Variants in DENND1B observed in about 807,000 individuals in gnomAD.
The protein encoded by DENND1B is DENN domain containing 1B, also known as DENN domain-containing protein 1B.
Under a neutral mutation model 90.1 loss-of-function variants are expected in DENND1B, and 59 were observed. That is an observed-to-expected ratio of 0.65 (90% CI 0.53 to 0.81). The LOEUF is 0.81. Ranked by LOEUF, DENND1B falls within the 40% of genes least tolerant of loss-of-function variation. The pLI, the probability that DENND1B is intolerant of heterozygous loss-of-function variation, is 0.00. For synonymous variants in DENND1B, 337 were observed against 324.6 expected (o/e 1.04, Z -0.41); for missense variants, 862 against 912.6 (o/e 0.94, Z 0.71).
At chr1:197,774,008 G>A (rs1656946565) in intron 1 of DENND1B, among the ~76,000 whole-genome samples, 1 of 152,130 alleles carries the variant, frequency 6.6e-6, no homozygotes, top group African/African-American at 2.4e-5. Flanking sequence ...TGGAAACATA[G>A]GAAGTGACAA....
Position 197,629,960 on chromosome 1 carries a change from C to A in DENND1B, c.673-12201G>T, listed in dbSNP as rs143839475. Among the ~76,000 whole-genome samples the A allele has an allele frequency of 6.7e-3, 1,014 of 152,132 alleles. 4 individuals are homozygous for A. Among genetic ancestry groups the A allele is most frequent in the African/African-American group, 0.022 (933 of 41,526 alleles). On this transcript the variant is annotated intron_variant, in intron 10 of 22. Transcript: ENST00000620048. ...AAATAAGCATATGAAAAGATGTTCC[C>A]CATCACATGTCATCAGGGAAAGGCA... is the stretch of plus-strand genomic sequence containing the variant.
intron 3 of DENND1B, among the ~76,000 whole-genome samples, chr1:197,714,457 C>G (rs1167268878): frequency 1.3e-5 from 2 of 152,048 alleles, no homozygotes; most frequent in African/African-American, 2.4e-5. Context: ...ATTTGAGGAA[C>G]TACAGAAGAC....
intron 3 of DENND1B, among the ~76,000 whole-genome samples, chr1:197,698,252 T>C (rs1214954199): frequency 6.6e-6 from 1 of 152,086 alleles, no homozygotes; most frequent in Non-Finnish European, 1.5e-5. Context: ...GAACTCAAGA[T>C]TAAGACATTC....
intron 2 of DENND1B, among the ~76,000 whole-genome samples, chr1:197,758,223 C>G (rs572092229): frequency 6.6e-6 from 1 of 152,174 alleles, no homozygotes; most frequent in Admixed American, 6.5e-5. Flanking sequence ...TCACTAATCA[C>G]AGCGCAAAAT....
At chr1:197,535,888 G>A (rs1167357356) in intron 20 of DENND1B, among the ~76,000 whole-genome samples, 1 of 152,020 alleles carries the variant, frequency 6.6e-6, no homozygotes, top group Non-Finnish European at 1.5e-5. Context: ...TTCAACTGAG[G>A]GCCTATAAGA....
intron 3 of DENND1B, among the ~76,000 whole-genome samples, chr1:197,693,923 T>A (rs1658171359): frequency 6.6e-6 from 1 of 151,538 alleles, no homozygotes; most frequent in Admixed American, 6.6e-5. Context: ...AGAGGCTAGC[T>A]GGTAACATAT....
At chr1:197,684,945 C>T (rs1657078407) in intron 3 of DENND1B, among the ~76,000 whole-genome samples, 2 of 151,936 alleles carry the variant, frequency 1.3e-5, no homozygotes, top group South Asian at 2.1e-4. Context: ...GGTAAAACCC[C>T]GTCTCTACTA....
At chr1:197,537,617 G>A (rs1236199859) in intron 20 of DENND1B, among the ~76,000 whole-genome samples, 1 of 151,918 alleles carries the variant, frequency 6.6e-6, no homozygotes, top group Non-Finnish European at 1.5e-5. Context: ...CTTGAGGGCA[G>A]TAATCATTTC....
intron 2 of DENND1B, among the ~76,000 whole-genome samples, chr1:197,725,366 T>G (rs1308489270): frequency 6.6e-6 from 1 of 152,068 alleles, no homozygotes; most frequent in Non-Finnish European, 1.5e-5. Flanking sequence ...TAAATACATT[T>G]TCAGAAAGAC....
intron 3 of DENND1B, among the ~76,000 whole-genome samples, chr1:197,698,831 G>A (rs966100234): frequency 6.6e-6 from 1 of 152,026 alleles, no homozygotes; most frequent in Non-Finnish European, 1.5e-5. Flanking sequence ...TAAATTCCTG[G>A]ACACATACAC....
chr1:197,656,474 T>C (rs923912860), intron 6 of DENND1B, among the ~76,000 whole-genome samples: 5 of 152,100 alleles, frequency 3.3e-5, no homozygotes, highest in African/African-American at 1.2e-4. Context: ...TTTATTTCAA[T>C]TAAATTGTAT....
chr1:197,626,159 G>A (rs866459295), intron 10 of DENND1B, among the ~76,000 whole-genome samples: 3 of 151,996 alleles, frequency 2.0e-5, no homozygotes, highest in Admixed American at 6.6e-5. Flanking sequence ...ACTCAGCTCT[G>A]CACCAAGCAG....
intron 14 of DENND1B, among the ~76,000 whole-genome samples, chr1:197,593,464 C>T (rs1378900023): frequency 6.7e-6 from 1 of 150,002 alleles, no homozygotes; most frequent in Non-Finnish European, 1.5e-5. Flanking sequence ...GATCAATAAA[C>T]AAGAAATATA....
chr1:197,701,985 C>T (rs2477077), intron 3 of DENND1B, among the ~76,000 whole-genome samples: 33,989 of 151,900 alleles, frequency 0.22, 4,016 homozygotes, highest in Middle Eastern at 0.33. Flanking sequence ...CTTGTGAGAC[C>T]GTATGTCTAT....
chr1:197,581,219 T>C (rs1674209075), intron 15 of DENND1B, among the ~76,000 whole-genome samples: 1 of 152,220 alleles, frequency 6.6e-6, no homozygotes, highest in Non-Finnish European at 1.5e-5. Context: ...TGAAACTCTG[T>C]CAACGAGAAT....
At chr1:197,628,056 C>T (rs1246396475) in intron 10 of DENND1B, among the ~76,000 whole-genome samples, 9 of 152,182 alleles carry the variant, frequency 5.9e-5, no homozygotes, top group African/African-American at 1.9e-4. Context: ...ACATTCCATG[C>T]TCATGGGTGG....
At chr1:197,537,240 T>C (rs1669980794) in intron 20 of DENND1B, among the ~76,000 whole-genome samples, 1 of 152,198 alleles carries the variant, frequency 6.6e-6, no homozygotes, top group Non-Finnish European at 1.5e-5. Flanking sequence ...GTATGTTTAA[T>C]CAATTCTTAT....
intron 7 of DENND1B, among the ~76,000 whole-genome samples, chr1:197,650,569 C>T (rs1436889488): frequency 6.6e-6 from 1 of 152,174 alleles, no homozygotes; most frequent in Non-Finnish European, 1.5e-5. Context: ...TGCACACACA[C>T]GTTTATAGCA....
intron 15 of DENND1B, among the ~76,000 whole-genome samples, chr1:197,553,572 C>T (rs1031060710): frequency 6.6e-6 from 1 of 152,120 alleles, no homozygotes; most frequent in Non-Finnish European, 1.5e-5. Flanking sequence ...TTAGATTAAC[C>T]TAGGAAATGT....
Sources: allele counts gnomAD v4.1 joint callset (sites outside exome capture counted in the v4.1 genomes callset), GRCh38; gene constraint gnomAD v4.1.1; transcripts MANE v1.5; gene names NCBI Gene and HGNC (gene_info 2026-07-23, HGNC 2026-07-21).